NDC80: variants seen among roughly 807,000 people sequenced by gnomAD.
NDC80 encodes kinetochore protein NDC80 homolog.
In NDC80, 69 loss-of-function variants were observed where a neutral mutation model predicts 89.3. The ratio of observed to expected loss-of-function variants is 0.77; its 90% confidence interval spans 0.64 to 0.94. NDC80 has a LOEUF of 0.94. Among genes scored for constraint, NDC80 ranks in the 40% least tolerant of loss-of-function variants. The pLI is 0.00. For synonymous variants in NDC80, 243 were observed against 255.6 expected (o/e 0.95, Z 0.47); for missense variants, 593 against 739.6 (o/e 0.80, Z 2.30).
chr18:2,593,057 T>TGTGTGTC (rs1491312738), intron 10 of NDC80, among the ~76,000 whole-genome samples: 36 of 69,326 alleles, frequency 5.2e-4, no homozygotes, highest in African/African-American at 2.3e-3. Flanking sequence ...TGTGTGTGTC[T>TGTGTGTC]TTTTTTTTTT....
chr18:2,607,708 A>G (rs553435958), intron 14 of NDC80, among the ~76,000 whole-genome samples: 30 of 151,936 alleles, frequency 2.0e-4, no homozygotes, highest in Admixed American at 1.1e-3. Flanking sequence ...ATTAGAAACA[A>G]TAGAGACTCG....
intron 11 of NDC80, among the ~76,000 whole-genome samples, chr18:2,598,605 A>G (rs148630786): frequency 0.012 from 1,787 of 152,346 alleles, 24 homozygotes; most frequent in Middle Eastern, 0.031. Context: ...TTTCAGACAT[A>G]AATGATTATA....
At chr18:2,601,118 T>C (rs571604322) in intron 12 of NDC80, among the ~76,000 whole-genome samples, 4 of 152,350 alleles carry the variant, frequency 2.6e-5, no homozygotes, top group East Asian at 1.9e-4. Flanking sequence ...CTAAGTGTAC[T>C]TGTAAAATGT....
chr18:2,574,820 T>C (rs546829466), intron 2 of NDC80, among the ~76,000 whole-genome samples, 169 bp from the exon 3 acceptor site: 1 of 152,352 alleles, frequency 6.6e-6, no homozygotes, highest in East Asian at 1.9e-4. Context: ...AGTACCATGT[T>C]TAGCCCATCC....
At position 2,597,192 on chromosome 18, in the gene NDC80, T is replaced by TAAATA. The variant is rs201175477; in HGVS notation, c.1221+1592_1221+1596dup. 5.5e-4 allele frequency among the ~76,000 whole-genome samples: 83 copies of TAAATA among 151,158 alleles called. No homozygotes were observed. In the Middle Eastern group the frequency reaches 0.01, roughly 19 times the overall value. ...AAGTATAATAATAATAAAAAATAAGTAAATAAAATAAAATAAAATAAAATA... is the reference window on the plus strand; with the variant it reads ...AAGTATAATAATAATAAAAAATAAGTAAATAAAATAAAATAAAATAAAATAAAATA... On this transcript the variant is annotated intron_variant, in intron 11 of 16. Coordinates refer to ENST00000261597, the MANE Select transcript of NDC80 (RefSeq NM_006101.3).
chr18:2,616,427 T>C lies in NDC80; in HGVS notation c.1792-10T>C. Reference sequence around the variant, plus strand: ...TTTTTACTTTAACAATTGTTAATTCTCTTCACTAGAAACATCTTGAGGAGC... The same window carrying C: ...TTTTTACTTTAACAATTGTTAATTCCCTTCACTAGAAACATCTTGAGGAGC... On this transcript the variant is annotated splice_polypyrimidine_tract_variant and intron_variant, in intron 16 of 16. Transcript: ENST00000261597. 2 of 1,454,950 alleles carry C rather than the reference T, an allele frequency of 1.4e-6. No individual in the cohort carries two copies. Among genetic ancestry groups the C allele is most frequent in the Non-Finnish European group, 1.8e-6 (2 of 1,082,900 alleles). 90.1% of individuals were successfully genotyped at this position (1,454,950 alleles called of 1,614,324 possible).
rs2072554186 is a variant in NDC80 at position 2,577,686 on chromosome 18, A to G, written c.180-60A>G. The G allele has an allele frequency of 1.9e-6, 3 of 1,588,376 alleles. No homozygotes were observed. In the Admixed American group the frequency reaches 5.4e-5, roughly 29 times the overall value. ...TAAAATGCAAAACTGCCTTGAAATAATTTAGACTTGATCACAGAAGCAAAT... is the reference window on the plus strand; with the variant it reads ...TAAAATGCAAAACTGCCTTGAAATAGTTTAGACTTGATCACAGAAGCAAAT... On this transcript the variant is annotated intron_variant, in intron 3 of 16. Coordinates refer to ENST00000261597, the MANE Select transcript of NDC80 (RefSeq NM_006101.3).
chr18:2,598,695 A>G (rs1230778412), intron 11 of NDC80, among the ~76,000 whole-genome samples: 1 of 152,182 alleles, frequency 6.6e-6, no homozygotes, highest in Non-Finnish European at 1.5e-5. Context: ...CATGTTTCGT[A>G]ATTTCTTTAT....
At chr18:2,589,349 T>G in intron 9 of NDC80, 39 bp downstream of exon 9, 1 of 1,430,148 alleles carries the variant, frequency 7.0e-7, no homozygotes, top group Non-Finnish European at 9.8e-7. Flanking sequence ...GAGAGCTCTT[T>G]TAGACTTTTG....
intron 7 of NDC80, among the ~76,000 whole-genome samples, chr18:2,587,491 T>G (rs765448566): frequency 3.3e-5 from 5 of 152,330 alleles, no homozygotes; most frequent in East Asian, 1.9e-4. Context: ...TAAAGATGAT[T>G]AAGTTTGTGC....
intron 11 of NDC80, among the ~76,000 whole-genome samples, chr18:2,597,916 A>G (rs74614474): frequency 0.058 from 8,791 of 152,158 alleles, 859 homozygotes; most frequent in African/African-American, 0.2. Flanking sequence ...TGAGACAGGA[A>G]TGGGGATGGA....
chr18:2,578,286 G>C (rs2072558189), intron 5 of NDC80, 145 bp downstream of exon 5: 8 of 725,180 alleles, frequency 1.1e-5, no homozygotes, highest in Admixed American at 3.2e-5. Flanking sequence ...AAATTGAAGA[G>C]AAAAAAAGCA....
At chr18:2,602,930 A>C (rs892497797) in intron 13 of NDC80, among the ~76,000 whole-genome samples, 10 of 152,208 alleles carry the variant, frequency 6.6e-5, no homozygotes. Context: ...AAGGAGGTAG[A>C]ACCCAAGGAT....
At chr18:2,587,346 T>C (rs1480242278) in intron 7 of NDC80, among the ~76,000 whole-genome samples, 2 of 152,204 alleles carry the variant, frequency 1.3e-5, no homozygotes, top group African/African-American at 4.8e-5. Flanking sequence ...ATGCAATTCA[T>C]TTTTTAGCCT....
At chr18:2,575,219 TAC>T (rs2072540203) in intron 3 of NDC80, among the ~76,000 whole-genome samples, 153 bp downstream of exon 3, 1 of 152,268 alleles carries the variant, frequency 6.6e-6, no homozygotes, top group Non-Finnish European at 1.5e-5. Flanking sequence ...AATTTTAGTT[TAC>T]ATCTGCTGTA....
Position 2,579,036 on chromosome 18 carries a change from G to T in NDC80, c.579+7G>T, listed in dbSNP as rs1459053040. ...GCTAATAGACTGCATCAAGGTATTTGATTTGTTCTTTTGAAATGTATACAT... is the reference window on the plus strand; with the variant it reads ...GCTAATAGACTGCATCAAGGTATTTTATTTGTTCTTTTGAAATGTATACAT... On this transcript the variant is annotated splice_region_variant and intron_variant, in intron 6 of 16. Transcript: ENST00000261597. 2.3e-5 allele frequency: 35 copies of T among 1,491,562 alleles called. No homozygotes were observed. The highest frequency in any genetic ancestry group is 3.1e-5 in the Non-Finnish European group (35 of 1,114,836). 92.4% of individuals were successfully genotyped at this position (1,491,562 alleles called of 1,614,324 possible). A position where few individuals can be genotyped will look rare whatever the true frequency, so the allele number is the denominator to read the frequency against.
chr18:2,581,051 T>C (rs2072575606), intron 6 of NDC80, among the ~76,000 whole-genome samples: 1 of 151,940 alleles, frequency 6.6e-6, no homozygotes, highest in Non-Finnish European at 1.5e-5. Context: ...TCCAAGCCCA[T>C]TATTTAAGTT....
intron 8 of NDC80, 27 bp from the exon 9 acceptor site, chr18:2,589,177 T>C: frequency 6.7e-7 from 1 of 1,501,168 alleles, no homozygotes; most frequent in Non-Finnish European, 9.3e-7. Flanking sequence ...TTTGAGGTCT[T>C]AAAAAGCTTT....
intron 3 of NDC80, among the ~76,000 whole-genome samples, chr18:2,577,536 C>T (rs752769670): frequency 1.3e-5 from 2 of 152,136 alleles, no homozygotes; most frequent in East Asian, 1.9e-4. Context: ...ATTCTTGCCT[C>T]GTTTTACATC....
Sources: gnomAD v4.1 joint callset for allele counts (sites outside exome capture counted in the v4.1 genomes callset) on GRCh38, gnomAD v4.1.1 for gene constraint, MANE v1.5 for transcripts, NCBI Gene and HGNC (gene_info 2026-07-23, HGNC 2026-07-21) for gene names.